Variants in TTN observed in about 807,000 individuals in gnomAD.
TTN encodes connectin.
A neutral mutation model predicts 3,223.0 loss-of-function variants in TTN; 1,525 were observed. The ratio of observed to expected loss-of-function variants is 0.47; its 90% CI spans 0.45 to 0.49. The LOEUF is 0.49. Ranked by LOEUF, TTN falls within the 20% of genes least tolerant of loss-of-function variation. TTN has a pLI of 0.00. For synonymous variants in TTN, 14,094 were observed against 15,161.0 expected, an observed-to-expected ratio of 0.93 and a Z score of 5.17; for missense variants, 40,786 against 43,424.0, an observed-to-expected ratio of 0.94 and a Z score of 5.40.
At chr2:178,801,728 C>G (rs902459914) in intron 3 of TTN, among the ~76,000 whole-genome samples, 1 of 152,132 alleles carries the variant, frequency 6.6e-6, no homozygotes, top group Admixed American at 6.5e-5. Flanking sequence ...AATGGGTGGT[C>G]TGTAGACTAC....
Position 178,653,208 on chromosome 2 carries a change from C to T in TTN, c.38791+30G>A, listed in dbSNP as rs747066680. Reference sequence around the variant, plus strand: ...GTCTTCAACTGCAAAAGAATTAGATCATCTGAAGCCTAAGGTCAGTGACAA... The same window carrying T: ...GTCTTCAACTGCAAAAGAATTAGATTATCTGAAGCCTAAGGTCAGTGACAA... On this transcript the variant is annotated intron_variant, in intron 198 of 362. Coordinates refer to ENST00000589042, the MANE Select transcript of TTN (RefSeq NM_001267550.2). 8 of 1,611,240 alleles carry T rather than the reference C, an allele frequency of 5.0e-6. No homozygotes were observed. The African/African-American group carries it at 5.4e-5, about 11-fold the overall frequency.
In TTN at chr2:178,559,576, A is replaced by G. The variant is rs773175904; in HGVS notation, c.86556T>C (p.Ile28852=). The change falls in exon 326 of 363, where the codon ATT becomes ATC. Residue 28852 remains isoleucine (I), a synonymous_variant. Coordinates refer to ENST00000589042, the MANE Select transcript of TTN (RefSeq NM_001267550.2). ...ACTCTTTGGTTACATCTTGCACAGT[A>G]ATGTTGGTTGGAGGACCTGGGGTAT... The part of the protein sequence containing the change: ...VLDTPGPPTN[I]TVQDVTKESA... 6.2e-7 allele frequency: 1 copy of G among 1,613,856 alleles called. No individual in the cohort carries two copies. The highest frequency in any genetic ancestry group is 1.1e-5 in the South Asian group (1 of 91,076).
intron 112 of TTN, among the ~76,000 whole-genome samples, chr2:178,697,413 T>A (rs6755456): frequency 1.3e-5 from 2 of 152,062 alleles, no homozygotes; most frequent in African/African-American, 4.8e-5. Flanking sequence ...CTAGTTTAGA[T>A]TGATTTAAGA....
chr2:178,684,317 A>C lies in TTN; in HGVS notation c.32722+13T>G, dbSNP rs1292660444. The C allele has an allele frequency of 1.9e-6, 3 of 1,612,124 alleles. No homozygotes were observed. The African/African-American group carries it at 4.0e-5, about 22-fold the overall frequency. ...CAAGTACAATATTGTGCATAATGGAAGGGCGGATGTACCTCTTGCTTTTGG... is the reference window on the plus strand; with the variant it reads ...CAAGTACAATATTGTGCATAATGGACGGGCGGATGTACCTCTTGCTTTTGG... On this transcript the variant is annotated intron_variant, in intron 132 of 362. Coordinates refer to ENST00000589042, the MANE Select transcript of TTN (RefSeq NM_001267550.2).
At position 178,642,559 on chromosome 2, in the gene TTN, A is replaced by G. The variant is rs552935260; in HGVS notation, c.40478-242T>C. 1.0e-3 allele frequency among the ~76,000 whole-genome samples: 158 copies of G among 152,138 alleles called. 2 individuals carry two copies. The highest frequency in any genetic ancestry group is 3.8e-3 in the African/African-American group (158 of 41,554). ...CTGCAGGCAAATGTATTCATTTTAA[A>G]TGCATGTAGAGGATGTTGCTCCATA... On this transcript the variant is annotated intron_variant, in intron 218 of 362. Transcript: ENST00000589042.
chr2:178,572,615 C>T lies in TTN; in HGVS notation c.73517G>A (p.Gly24506Asp), dbSNP rs567446185. 55 of 1,613,244 alleles carry T rather than the reference C, an allele frequency of 3.4e-5. No individual in the cohort carries two copies. In the East Asian group the frequency reaches 9.2e-4, roughly 27 times the overall value. ...AACATTGACAAATGCAGACTTGCTG[C>T]CTGAACTATTTTCTACAGTTAGTAT... ...KYILTVENSS[G>D]SKSAFVNVRV... The change falls in exon 326 of 363, where the codon GGC becomes GAC. Residue 24506 changes from glycine to aspartate, a missense_variant. Gly to Asp is a moderately conservative substitution (Grantham distance 94, BLOSUM62 -1). Transcript: ENST00000589042.
intron 114 of TTN, 135 bp from the exon 115 acceptor site, chr2:178,695,545 A>G (rs1158898771): frequency 1.5e-6 from 1 of 684,940 alleles, no homozygotes; most frequent in Non-Finnish European, 2.4e-6. Context: ...TATTACCAAC[A>G]CAATTCTTAG....
Position 178,571,936 on chromosome 2 carries a change from G to T in TTN, c.74196C>A (p.Asp24732Glu), listed in dbSNP as rs764541017. ...CAATGAATGGAACATCAACTTTTAG[G>T]TCTTCACCTGCCAGTACAGTGAAAG... ...FNTFTVLAGEDLKVDVPFIGR... is the reference protein window; with the variant it reads ...FNTFTVLAGEELKVDVPFIGR... Residue 24732 changes from aspartate (D) to glutamate (E), a missense_variant, in exon 326 of 363, where the codon GAC becomes GAA. Coordinates refer to ENST00000589042, the MANE Select transcript of TTN (RefSeq NM_001267550.2). 3 of 1,613,110 alleles carry T rather than the reference G, an allele frequency of 1.9e-6. No individual in the cohort carries two copies. The highest frequency in any genetic ancestry group is 2.5e-6 in the Non-Finnish European group (3 of 1,179,532).
chr2:178,789,312 T>G, intron 13 of TTN, 48 bp downstream of exon 13: 1 of 1,607,082 alleles, frequency 6.2e-7, no homozygotes, highest in Non-Finnish European at 8.5e-7. Flanking sequence ...ATATGTGGTA[T>G]TAATGTATTA....
At position 178,569,181 on chromosome 2, in the gene TTN, C is replaced by A. The variant is rs1219661897; in HGVS notation, c.76951G>T (p.Val25651Phe). The A allele has an allele frequency of 8.1e-6, 13 of 1,611,974 alleles. No homozygotes were observed. The highest frequency in any genetic ancestry group is 1.1e-5 in the Non-Finnish European group (13 of 1,179,094). Reference protein sequence around the residue: ...REATRKSYAAVVTNCHKNSWK... With the variant: ...REATRKSYAAFVTNCHKNSWK... ...GAATTCTTATGGCAGTTAGTTACAA[C>A]AGCAGCATATGATTTTCTTGTGGCT... Residue 25651 changes from valine to phenylalanine, a missense_variant, in exon 326 of 363, where the codon GTT (valine) becomes TTT (phenylalanine). Coordinates refer to ENST00000589042, the MANE Select transcript of TTN (RefSeq NM_001267550.2).
Position 178,542,321 on chromosome 2 carries a change from G to T in TTN, c.97435C>A (p.Arg32479Ser), listed in dbSNP as rs200148139. The change falls in exon 349 of 363, where the codon CGC becomes AGC. Residue 32479 changes from arginine to serine, a missense_variant. Coordinates refer to ENST00000589042, the MANE Select transcript of TTN (RefSeq NM_001267550.2). ...TGCAAGTAAGAGCCAATCCCGAAGCGGTTTGTTGCAGCCACACGGAACACA... is the reference window on the plus strand; with the variant it reads ...TGCAAGTAAGAGCCAATCCCGAAGCTGTTTGTTGCAGCCACACGGAACACA... ...EYVFRVAATN[R>S]FGIGSYLQSE... 154 of 1,612,872 alleles carry T rather than the reference G, an allele frequency of 9.5e-5. No individual in the cohort carries two copies. Among genetic ancestry groups the T allele is most frequent in the Non-Finnish European group, 2.0e-5 (23 of 1,179,456 alleles).
rs1574783007 is a variant in TTN at position 178,783,650 on chromosome 2, T to C, written c.2841+70A>G. The C allele has an allele frequency of 3.7e-6, 5 of 1,336,912 alleles. No individual in the cohort carries two copies. The African/African-American group carries it at 5.8e-5, about 15-fold the overall frequency. 82.8% of individuals were successfully genotyped at this position (1,336,912 alleles called of 1,614,324 possible). A position where few individuals can be genotyped will look rare whatever the true frequency, so the allele number is the denominator to read the frequency against. ...TTGTATTAATTTGAGAAACTGATCT[T>C]TGCAAACGTGTATTAAAATGATTTG... On this transcript the variant is annotated intron_variant, in intron 17 of 362. Coordinates refer to ENST00000589042, the MANE Select transcript of TTN (RefSeq NM_001267550.2).
In TTN at chr2:178,621,648, G is replaced by A. The variant is rs2154212133; in HGVS notation, c.45176C>T (p.Ala15059Val). 6.2e-7 allele frequency: 1 copy of A among 1,612,334 alleles called. No individual in the cohort carries two copies. Among genetic ancestry groups the A allele is most frequent in the Non-Finnish European group, 8.5e-7 (1 of 1,179,052 alleles). Residue 15059 changes from alanine (A) to valine (V), a missense_variant, in exon 245 of 363, where the codon GCA (alanine) becomes GTA (valine). Physicochemically the swap from Ala to Val is moderately conservative, Grantham distance 64 (BLOSUM62 0). Transcript: ENST00000589042. ...ATCCCCTTTATACCAAATCACTTCTGCGCCAGGTTTGGAGACTTCACAAAC... is the reference window on the plus strand; with the variant it reads ...ATCCCCTTTATACCAAATCACTTCTACGCCAGGTTTGGAGACTTCACAAAC... Reference protein sequence around the residue: ...KLVCEVSKPGAEVIWYKGDEE... With the variant: ...KLVCEVSKPGVEVIWYKGDEE...
Position 178,537,650 on chromosome 2 carries a change from C to T in TTN, c.99557G>A (p.Ser33186Asn). The T allele has an allele frequency of 6.2e-7, 1 of 1,613,766 alleles. No individual in the cohort carries two copies. Among genetic ancestry groups the T allele is most frequent in the Non-Finnish European group, 8.5e-7 (1 of 1,179,774 alleles). ...TNEVGEVETS[S>N]KLLLQATPQF... ...CGGTGTTGCTTGCAGGAGAAGCTTA[C>T]TACTGGTTTCTACTTCTCCAACCTC... Residue 33186 changes from serine to asparagine, a missense_variant, in exon 355 of 363, where the codon AGT becomes AAT. By Grantham distance (46) the Ser-to-Asn change is conservative. Coordinates refer to ENST00000589042, the MANE Select transcript of TTN (RefSeq NM_001267550.2).
In TTN at chr2:178,583,093, G is replaced by A. The variant is rs2048143083; in HGVS notation, c.65710C>T (p.Leu21904=). The part of the protein sequence containing the change: ...TVSWKKDGTL[L]KPAEGIKMAM... Reference sequence around the variant, plus strand: ...ATCTTTATGCCTTCTGCTGGTTTTAGCAGTGTGCCATCTTTTTTCCAAGAA... The same window carrying A: ...ATCTTTATGCCTTCTGCTGGTTTTAACAGTGTGCCATCTTTTTTCCAAGAA... The change falls in exon 313 of 363, where the codon CTA becomes TTA. Residue 21904 remains leucine, a synonymous_variant. Coordinates refer to ENST00000589042, the MANE Select transcript of TTN (RefSeq NM_001267550.2). 5 of 1,611,396 alleles carry A rather than the reference G, an allele frequency of 3.1e-6. No homozygotes were observed. In the South Asian group the frequency reaches 5.5e-5, roughly 18 times the overall value.
At position 178,543,081 on chromosome 2, in the gene TTN, G is replaced by C. The variant is rs201108270; in HGVS notation, c.96892C>G (p.Gln32298Glu). Residue 32298 changes from glutamine to glutamate, a missense_variant, in exon 347 of 363, where the codon CAA (glutamine) becomes GAA (glutamate). Coordinates refer to ENST00000589042, the MANE Select transcript of TTN (RefSeq NM_001267550.2). ...PRETVTAVTVQDLRVLPTIDL... is the reference protein window; with the variant it reads ...PRETVTAVTVEDLRVLPTIDL... The stretch of plus-strand genomic sequence containing the variant: ...ATTTGGTACATACCTCTGAGGTCTT[G>C]TACAGTCACGGCTGTGACAGTCTCT... 3.8e-6 allele frequency: 6 copies of C among 1,566,256 alleles called. No individual in the cohort carries two copies. Among genetic ancestry groups the C allele is most frequent in the Non-Finnish European group, 5.2e-6 (6 of 1,153,882 alleles).
At chr2:178,749,331 A>T in intron 47 of TTN, 2 of 1,612,622 alleles carry the variant, frequency 1.2e-6, no homozygotes, top group Non-Finnish European at 1.7e-6. Context: ...TCAGCCTGAC[A>T]TTGTATGAAT....
At chr2:178,787,317 C>T (rs938158424) in intron 13 of TTN, among the ~76,000 whole-genome samples, 1 of 151,926 alleles carries the variant, frequency 6.6e-6, no homozygotes, top group Non-Finnish European at 1.5e-5. Context: ...ATTTCATCTG[C>T]CTCGAAGGAC....
Position 178,725,388 on chromosome 2 carries a change from A to G in TTN, c.20816T>C (p.Met6939Thr). The G allele has an allele frequency of 6.3e-7, 1 of 1,586,020 alleles. No individual in the cohort carries two copies. The highest frequency in any genetic ancestry group is 8.6e-7 in the Non-Finnish European group (1 of 1,164,670). The change falls in exon 71 of 363, where the codon ATG becomes ACG. Residue 6939 changes from methionine (M) to threonine (T), a missense_variant. Coordinates refer to ENST00000589042, the MANE Select transcript of TTN (RefSeq NM_001267550.2). Reference protein sequence around the residue: ...IKNDGGMRENMATLMVLEPAV... With the variant: ...IKNDGGMRENTATLMVLEPAV... ...CCAACCTAAGACCATCAGTGTGGCC[A>G]TGTTCTCCCTCATTCCACCATCATT...
Sources: allele counts gnomAD v4.1 joint callset (sites outside exome capture counted in the v4.1 genomes callset), GRCh38; gene constraint gnomAD v4.1.1; transcripts MANE v1.5; gene names NCBI Gene and HGNC (gene_info 2026-07-23, HGNC 2026-07-21).